The following MLXIP variants were observed in gnomAD, a reference collection of about 807,000 sequenced individuals.
MLXIP encodes the protein MLX-interacting protein.
Under a neutral mutation model 87.2 loss-of-function variants are expected in MLXIP, and 30 were observed. The ratio of observed to expected loss-of-function variants is 0.34; its 90% CI spans 0.26 to 0.47. The LOEUF is 0.47. Ranked by LOEUF, MLXIP falls within the 20% of genes least tolerant of loss-of-function variation. The pLI, the probability that MLXIP is intolerant of heterozygous loss-of-function variation, is 1.00. For synonymous variants in MLXIP, 530 were observed against 514.0 expected (o/e 1.03, Z -0.42); for missense variants, 1,002 against 1,240.1 (o/e 0.81, Z 2.88).
chr12:122,093,497 C>T (rs1296392368), intron 1 of MLXIP, among the ~76,000 whole-genome samples: 17 of 95,456 alleles, frequency 1.8e-4, no homozygotes, highest in East Asian at 3.7e-4. Context: ...TGTGTGTGTG[C>T]GGTGTCTGTG....
intron 1 of MLXIP, among the ~76,000 whole-genome samples, chr12:122,114,757 G>GT (rs1239690290): frequency 0.021 from 1,604 of 76,882 alleles, 29 homozygotes; most frequent in Middle Eastern, 0.11. Flanking sequence ...TTTTTTTTTG[G>GT]TGGGGGGGGA....
At chr12:122,132,542 C>T in intron 8 of MLXIP, 159 bp downstream of exon 8, 1 of 621,314 alleles carries the variant, frequency 1.6e-6, no homozygotes, top group African/African-American at 1.8e-5. Flanking sequence ...GGCACGATTC[C>T]ATCCCTCTTT....
intron 15 of MLXIP, 106 bp downstream of exon 15, chr12:122,139,044 A>C: frequency 1.7e-5 from 25 of 1,500,716 alleles, no homozygotes; most frequent in Non-Finnish European, 2.2e-5. Flanking sequence ...AATGCCTGTC[A>C]CCAAGCTCCT....
intron 1 of MLXIP, among the ~76,000 whole-genome samples, chr12:122,123,638 C>CT (rs1156297780): frequency 6.6e-6 from 1 of 152,244 alleles, no homozygotes; most frequent in African/African-American, 2.4e-5. Flanking sequence ...GTATGACACC[C>CT]TCTGCCCTCC....
rs1953254262 is a variant in MLXIP, at chr12:122,143,904, G to T, written c.*2092G>T. On this transcript the variant is annotated 3_prime_UTR_variant, in exon 17 of 17. Transcript: ENST00000319080. ...AGGTTGTGTGAGCCTTGAAGTGTGT[G>T]TGTGTGTCCCAGCGACTGTCCACTG... 6.6e-6 allele frequency: 1 copy of T among 152,654 alleles called. No individual in the cohort carries two copies. Among genetic ancestry groups the T allele is most frequent in the Non-Finnish European group, 1.5e-5 (1 of 68,082 alleles). The allele number at this position is 152,654 out of a possible 1,614,324, so 9.5% of individuals were successfully genotyped here.
chr12:122,092,638 C>T (rs2135907340), intron 1 of MLXIP, among the ~76,000 whole-genome samples: 1 of 152,218 alleles, frequency 6.6e-6, no homozygotes, highest in Non-Finnish European at 1.5e-5. Context: ...AATTCTTGGA[C>T]TATAGGTTAC....
At chr12:122,099,233 C>T (rs1427533377) in intron 1 of MLXIP, among the ~76,000 whole-genome samples, 3 of 152,140 alleles carry the variant, frequency 2.0e-5, no homozygotes, top group South Asian at 4.1e-4. Flanking sequence ...AGAGCAAGGC[C>T]ATGTCTCCAA....
intron 1 of MLXIP, among the ~76,000 whole-genome samples, chr12:122,092,515 A>G (rs1190336257): frequency 6.6e-6 from 1 of 152,152 alleles, no homozygotes; most frequent in African/African-American, 2.4e-5. Flanking sequence ...GGTACACCCC[A>G]GAGGTATGCA....
intron 16 of MLXIP, 31 bp from the exon 17 acceptor site, chr12:122,141,660 C>G: frequency 6.2e-7 from 1 of 1,610,218 alleles, no homozygotes; most frequent in Middle Eastern, 1.7e-4. Context: ...GTCTGTGTCA[C>G]TGCCTGTGTC....
rs929916360 is a variant in MLXIP, at chr12:122,082,533, G to A, written c.413+3267G>A. 3.3e-5 allele frequency among the ~76,000 whole-genome samples: 5 copies of A among 152,262 alleles called. No individual in the cohort carries two copies. The South Asian group carries it at 6.2e-4, about 19-fold the overall frequency. On this transcript the variant is annotated intron_variant, in intron 1 of 16. Coordinates refer to ENST00000319080, the MANE Select transcript of MLXIP (RefSeq NM_014938.6). ...GTAACACACAAGAGGAGGGTTTAAC[G>A]GGCTCCGCATAGCAAGTGGGTTATG... is the stretch of plus-strand genomic sequence containing the variant.
chr12:122,110,583 G>C (rs1952590144), intron 1 of MLXIP, among the ~76,000 whole-genome samples: 2 of 151,844 alleles, frequency 1.3e-5, no homozygotes, highest in African/African-American at 4.8e-5. Context: ...CACTGCACCT[G>C]GCCTGGGAGA....
intron 1 of MLXIP, among the ~76,000 whole-genome samples, chr12:122,095,154 TG>T (rs1952332246): frequency 9.7e-6 from 1 of 103,406 alleles, no homozygotes; most frequent in Admixed American, 9.7e-5. Flanking sequence ...GTGTGCGGTG[TG>T]GTGGTGTGTG....
In MLXIP at chr12:122,146,742, CTGCGCTCTGAACCTGGGT is replaced by C. The variant is rs1953309930; in HGVS notation, c.*4931_*4948del. On this transcript the variant is annotated 3_prime_UTR_variant, in exon 17 of 17. Coordinates refer to ENST00000319080, the MANE Select transcript of MLXIP (RefSeq NM_014938.6). The stretch of plus-strand genomic sequence containing the variant: ...CCATGCCCCAGTCACACTGTTGGTT[CTGCGCTCTGAACCTGGGT>C]GTAGCTCATTTGAAGGACTCTCTTC... 7.0e-6 allele frequency: 1 copy of C among 142,758 alleles called. No individual in the cohort carries two copies. The highest frequency in any genetic ancestry group is 3.0e-5 in the African/African-American group (1 of 33,040). The allele number at this position is 142,758 out of a possible 1,614,324, so 8.8% of individuals were successfully genotyped here. A position where few individuals can be genotyped will look rare whatever the true frequency, so the allele number is the denominator to read the frequency against.
intron 1 of MLXIP, among the ~76,000 whole-genome samples, chr12:122,111,763 G>A (rs1952609240): frequency 6.6e-6 from 1 of 152,146 alleles, no homozygotes; most frequent in Non-Finnish European, 1.5e-5. Flanking sequence ...GATCAGAAAT[G>A]TGAAGGAGGT....
rs1464611022 is a variant in MLXIP at position 122,133,054 on chromosome 12, G to A, written c.1093-294G>A. 1 of 348,208 alleles carries A rather than the reference G, an allele frequency of 2.9e-6. No individual in the cohort carries two copies. The highest frequency in any genetic ancestry group is 5.2e-6 in the Non-Finnish European group (1 of 192,358). 21.6% of individuals were successfully genotyped at this position (348,208 alleles called of 1,614,324 possible). On this transcript the variant is annotated intron_variant, in intron 8 of 16. Transcript: ENST00000319080. The surrounding 1 kb of genome is among the most constrained non-coding windows in gnomAD (Gnocchi z 4.9). ...GTAATAGAAGATGGCAGAGACTTTG[G>A]GGAGACTCTGCTGGACTCCAGAAAC...
chr12:122,134,616 A>G (rs531190622), intron 9 of MLXIP: 109 of 149,642 alleles, frequency 7.3e-4, no homozygotes, highest in Non-Finnish European at 1.2e-3. Context: ...CGATCTGCCC[A>G]CCTTGGCCTC....
At chr12:122,082,609 G>A (rs1205250298) in intron 1 of MLXIP, among the ~76,000 whole-genome samples, 2 of 152,178 alleles carry the variant, frequency 1.3e-5, no homozygotes, top group Non-Finnish European at 2.9e-5. Context: ...TGAGGAGCCC[G>A]TGTCTTATCT....
rs146605122 is a variant in MLXIP at position 122,140,462 on chromosome 12, A to G, written c.2509-492A>G. Among the ~76,000 whole-genome samples, 798 of 151,924 alleles carry G rather than the reference A, an allele frequency of 5.3e-3. 13 individuals carry two copies. The highest frequency in any genetic ancestry group is 0.018 in the African/African-American group (756 of 41,436). On this transcript the variant is annotated intron_variant, in intron 15 of 16. Coordinates refer to ENST00000319080, the MANE Select transcript of MLXIP (RefSeq NM_014938.6). ...TAGGCACCCACCACCACGCCCAGCT[A>G]ATTTTTGTATTAGTAGAGATGGGGT...
chr12:122,099,555 C>A (rs1345234050), intron 1 of MLXIP, among the ~76,000 whole-genome samples: 1 of 152,250 alleles, frequency 6.6e-6, no homozygotes, highest in East Asian at 1.9e-4. Context: ...GGGCTGATTT[C>A]CCCAATGACC....
Sources: gnomAD v4.1 joint callset for allele counts (sites outside exome capture counted in the v4.1 genomes callset) on GRCh38, gnomAD v4.1.1 for gene constraint, Gnocchi (gnomAD v3.1) non-coding constraint, MANE v1.5 for transcripts, NCBI Gene and HGNC (gene_info 2026-07-23, HGNC 2026-07-21) for gene names.